The following BORCS5 variants were observed in gnomAD, a reference collection of about 807,000 sequenced individuals.
The protein encoded by BORCS5 is BLOC-1-related complex subunit 5.
Under a neutral mutation model 22.1 loss-of-function variants are expected in BORCS5, and 17 were observed. The observed-to-expected ratio is 0.77, with a 90% CI of 0.53 to 1.15. The LOEUF (loss-of-function observed/expected upper bound fraction) is 1.15. BORCS5 is among the 50% of genes most tolerant of loss of function. The probability of loss-of-function intolerance (pLI) is 0.00; values close to 1 mark genes in which losing one functional copy is unlikely to be tolerated. For missense variants in BORCS5, 247 were observed against 253.2 expected (o/e 0.98, Z 0.17); for synonymous variants, 117 against 99.8 (o/e 1.17, Z -1.03).
chr12:12,365,216 A>G (rs955308135), intron 2 of BORCS5, among the ~76,000 whole-genome samples: 2 of 152,132 alleles, frequency 1.3e-5, no homozygotes, highest in Admixed American at 1.3e-4. Flanking sequence ...GGATTTGGTT[A>G]AGGAAGGTAG....
intron 2 of BORCS5, among the ~76,000 whole-genome samples, chr12:12,414,594 T>C (rs1941866282): frequency 1.1e-5 from 1 of 91,778 alleles, no homozygotes; most frequent in African/African-American, 5.8e-5. Flanking sequence ...ACGGGGCGAC[T>C]GGCTGGGCAG....
intron 2 of BORCS5, among the ~76,000 whole-genome samples, chr12:12,385,338 G>T (rs1863857275): frequency 6.6e-6 from 1 of 151,366 alleles, no homozygotes; most frequent in Non-Finnish European, 1.5e-5. Flanking sequence ...ACCGCTGGAT[G>T]TGGATGCTAC....
At chr12:12,457,618 C>T (rs1270224088) in intron 3 of BORCS5, among the ~76,000 whole-genome samples, 2 of 152,114 alleles carry the variant, frequency 1.3e-5, no homozygotes, top group Non-Finnish European at 2.9e-5. Context: ...TGCAGTGAGC[C>T]GAGATCGCGC....
intron 2 of BORCS5, among the ~76,000 whole-genome samples, chr12:12,415,051 C>T (rs1186571443): frequency 2.0e-5 from 3 of 147,112 alleles, no homozygotes; most frequent in Admixed American, 6.8e-5. Flanking sequence ...CGGAGACGCT[C>T]CTCACTTTCC....
intron 3 of BORCS5, among the ~76,000 whole-genome samples, chr12:12,458,409 T>C (rs1943037563): frequency 6.6e-6 from 1 of 152,236 alleles, no homozygotes; most frequent in Non-Finnish European, 1.5e-5. Flanking sequence ...TGTTGAATTA[T>C]AAGAGTTATT....
intron 2 of BORCS5, among the ~76,000 whole-genome samples, chr12:12,409,142 G>A (rs1261396153): frequency 2.0e-5 from 3 of 151,880 alleles, no homozygotes; most frequent in Non-Finnish European, 2.9e-5. Flanking sequence ...GTGTGAGGGG[G>A]CATCTCATTT....
intron 2 of BORCS5, among the ~76,000 whole-genome samples, chr12:12,376,477 C>T (rs1349428814): frequency 6.6e-6 from 1 of 152,148 alleles, no homozygotes; most frequent in Non-Finnish European, 1.5e-5. Flanking sequence ...TCGTGATCCA[C>T]CTGCCTCGGC....
Position 12,468,010 on chromosome 12 carries a change from T to C in BORCS5, c.*2234T>C, listed in dbSNP as rs759750635. 1.3e-5 allele frequency: 2 copies of C among 152,200 alleles called. No individual in the cohort carries two copies. Among genetic ancestry groups the C allele is most frequent in the African/African-American group, 2.4e-5 (1 of 41,436 alleles). The allele number at this position is 152,200 out of a possible 1,614,324, so 9.4% of individuals were successfully genotyped here. A position where few individuals can be genotyped will look rare whatever the true frequency, so the allele number is the denominator to read the frequency against. ...GGTCTGCAGCCACAAGGATGAAGGT[T>C]TGGGGATGAGAGACCAGCACGGGCT... is the stretch of plus-strand genomic sequence containing the variant. On this transcript the variant is annotated 3_prime_UTR_variant, in exon 4 of 4. Coordinates refer to ENST00000314565, the MANE Select transcript of BORCS5 (RefSeq NM_058169.6).
At chr12:12,428,095 T>C (rs1287315006) in intron 2 of BORCS5, among the ~76,000 whole-genome samples, 1 of 152,216 alleles carries the variant, frequency 6.6e-6, no homozygotes, top group Non-Finnish European at 1.5e-5. Flanking sequence ...TAGCAGTAAA[T>C]GGAGCTCGTT....
At chr12:12,418,942 T>C (rs940869137) in intron 2 of BORCS5, among the ~76,000 whole-genome samples, 6 of 152,188 alleles carry the variant, frequency 3.9e-5, no homozygotes, top group Admixed American at 1.3e-4. Flanking sequence ...TTTTTTTTGT[T>C]TGTCATTTTC....
intron 2 of BORCS5, among the ~76,000 whole-genome samples, chr12:12,371,657 G>T (rs1426414355): frequency 6.6e-6 from 1 of 152,110 alleles, no homozygotes; most frequent in African/African-American, 2.4e-5. Flanking sequence ...TCTTTGATCT[G>T]CAGGTTTGTA....
At chr12:12,434,296 A>C (rs1317387641) in intron 2 of BORCS5, among the ~76,000 whole-genome samples, 1 of 151,864 alleles carries the variant, frequency 6.6e-6, no homozygotes, top group East Asian at 1.9e-4. Context: ...AAAAAAAAAA[A>C]AAAAAAAAGC....
chr12:12,469,298 G>A lies in BORCS5; in HGVS notation c.*3522G>A, dbSNP rs1277966884. 6.6e-6 allele frequency: 1 copy of A among 152,318 alleles called. No individual in the cohort carries two copies. Among genetic ancestry groups the A allele is most frequent in the Admixed American group, 6.5e-5 (1 of 15,286 alleles). 9.4% of individuals were successfully genotyped at this position (152,318 alleles called of 1,614,324 possible). ...TTGAACCTGGGAGGCGGAGGTTGCA[G>A]TGAGCCAAGTTCGTGCCATTGCACT... On this transcript the variant is annotated 3_prime_UTR_variant, in exon 4 of 4. Transcript: ENST00000314565.
intron 1 of BORCS5, among the ~76,000 whole-genome samples, chr12:12,360,822 G>A (rs1863266722): frequency 6.6e-6 from 1 of 152,116 alleles, no homozygotes; most frequent in Admixed American, 6.5e-5. Context: ...TCGGGCTCAA[G>A]TGATTCTCCT....
intron 2 of BORCS5, among the ~76,000 whole-genome samples, chr12:12,420,747 T>C (rs1271825265): frequency 1.3e-5 from 2 of 152,186 alleles, no homozygotes; most frequent in African/African-American, 2.4e-5. Context: ...GGTTTATAGC[T>C]CTCCTTGAAG....
intron 2 of BORCS5, among the ~76,000 whole-genome samples, chr12:12,430,190 A>G (rs1220383421): frequency 8.6e-6 from 1 of 116,642 alleles, no homozygotes; most frequent in Admixed American, 1.1e-4. Flanking sequence ...TTGCTCTGTC[A>G]CCCAGGCTGG....
intron 2 of BORCS5, among the ~76,000 whole-genome samples, chr12:12,402,295 A>G (rs1006904642): frequency 6.6e-6 from 1 of 152,184 alleles, no homozygotes; most frequent in Non-Finnish European, 1.5e-5. Flanking sequence ...CAGGGCATCA[A>G]GGGAGAAAAA....
chr12:12,383,036 A>G (rs1863808301), intron 2 of BORCS5, among the ~76,000 whole-genome samples: 2 of 151,186 alleles, frequency 1.3e-5, no homozygotes, highest in Admixed American at 6.6e-5. Context: ...TTTCTTTTCT[A>G]TACATTCTTG....
At chr12:12,434,627 C>T (rs1411477467) in intron 2 of BORCS5, among the ~76,000 whole-genome samples, 1 of 152,098 alleles carries the variant, frequency 6.6e-6, no homozygotes, top group Non-Finnish European at 1.5e-5. Flanking sequence ...ATTAAAAAGA[C>T]ATTAATAAAA....
Sources: gnomAD v4.1 joint callset for allele counts (sites outside exome capture counted in the v4.1 genomes callset) on GRCh38, gnomAD v4.1.1 for gene constraint, MANE v1.5 for transcripts, NCBI Gene and HGNC (gene_info 2026-07-23, HGNC 2026-07-21) for gene names.